ENOX1: variants seen among roughly 807,000 people sequenced by gnomAD.
ENOX1 encodes ecto-NOX disulfide-thiol exchanger 1, also known as candidate growth-related and time keeping constitutive hydroquinone (NADH) oxidase.
A neutral mutation model predicts 82.5 loss-of-function variants in ENOX1; 42 were observed. The observed-to-expected ratio is 0.51, with a 90% CI of 0.40 to 0.66. The LOEUF (loss-of-function observed/expected upper bound fraction) is 0.66, where lower values mean the gene tolerates loss of function less well. ENOX1 is among the 30% of genes least tolerant of loss of function. ENOX1 has a pLI of 0.00. For missense variants in ENOX1, 608 were observed against 811.6 expected, an observed-to-expected ratio of 0.75 and a Z score of 3.05; for synonymous variants, 271 against 282.2, an observed-to-expected ratio of 0.96 and a Z score of 0.40.
At chr13:43,340,642 T>C (rs1232284155) in intron 9 of ENOX1, among the ~76,000 whole-genome samples, 2 of 152,240 alleles carry the variant, frequency 1.3e-5, no homozygotes, top group Non-Finnish European at 2.9e-5. Context: ...AGTGTGGCAA[T>C]TTCCAATAAA....
intron 1 of ENOX1, among the ~76,000 whole-genome samples, chr13:43,701,177 G>A (rs924930843): frequency 4.6e-5 from 7 of 152,114 alleles, no homozygotes. Flanking sequence ...AAGCATTTGT[G>A]CATGTACATA....
chr13:43,278,691 T>C (rs1024552933), intron 12 of ENOX1, among the ~76,000 whole-genome samples: 1 of 152,228 alleles, frequency 6.6e-6, no homozygotes, highest in South Asian at 2.1e-4. Flanking sequence ...TTGCATTTGG[T>C]TTTATTAATA....
At chr13:43,609,577 A>C (rs963844486) in intron 2 of ENOX1, among the ~76,000 whole-genome samples, 2 of 152,232 alleles carry the variant, frequency 1.3e-5, no homozygotes, top group African/African-American at 4.8e-5. Flanking sequence ...TCTAAGATTC[A>C]AATCTAAAAG....
chr13:43,436,863 G>A (rs1391629770), intron 3 of ENOX1, among the ~76,000 whole-genome samples: 3 of 152,066 alleles, frequency 2.0e-5, no homozygotes, highest in African/African-American at 7.2e-5. Flanking sequence ...TCTATAACTG[G>A]ATAGTCATAA....
At chr13:43,760,220 A>T (rs1351811287) in intron 1 of ENOX1, among the ~76,000 whole-genome samples, 1 of 152,230 alleles carries the variant, frequency 6.6e-6, no homozygotes, top group Non-Finnish European at 1.5e-5. Flanking sequence ...CACTTTGTAG[A>T]AGGCTAGAAT....
intron 1 of ENOX1, among the ~76,000 whole-genome samples, chr13:43,683,094 A>G (rs1181193841): frequency 1.3e-5 from 2 of 152,196 alleles, no homozygotes; most frequent in African/African-American, 4.8e-5. Context: ...AGCCAAAATA[A>G]GACAAATCAG....
chr13:43,654,977 T>C (rs1412854856), intron 2 of ENOX1, among the ~76,000 whole-genome samples: 3 of 152,206 alleles, frequency 2.0e-5, no homozygotes, highest in African/African-American at 7.2e-5. Flanking sequence ...CCTTGGCCTT[T>C]TCATGAAGTA....
At chr13:43,305,872 T>C (rs184200194) in intron 11 of ENOX1, among the ~76,000 whole-genome samples, 18 of 152,248 alleles carry the variant, frequency 1.2e-4, no homozygotes, top group African/African-American at 4.3e-4. Context: ...GGGAAACACA[T>C]CAGAAGTGAA....
In ENOX1 at chr13:43,493,305, T is replaced by C. The variant is rs891081178; in HGVS notation, c.-218-9153A>G. On this transcript the variant is annotated intron_variant, in intron 2 of 16. Coordinates refer to ENST00000690772, the MANE Select transcript of ENOX1 (RefSeq NM_001347969.2). Reference sequence around the variant, plus strand: ...TTATGGAGGCTGAGAAGTTCCATGATAGGCCAGCCATCTGGAAGTTGGAGA... The same window carrying C: ...TTATGGAGGCTGAGAAGTTCCATGACAGGCCAGCCATCTGGAAGTTGGAGA... Among the ~76,000 whole-genome samples the C allele has an allele frequency of 2.6e-5, 4 of 152,270 alleles. No individual in the cohort carries two copies. The East Asian group carries it at 5.8e-4, about 22-fold the overall frequency.
At position 43,292,073 on chromosome 13, in the gene ENOX1, T is replaced by C. The variant is rs371198189; in HGVS notation, c.1446+6273A>G. On this transcript the variant is annotated intron_variant, in intron 12 of 16. Coordinates refer to ENST00000690772, the MANE Select transcript of ENOX1 (RefSeq NM_001347969.2). Reference sequence around the variant, plus strand: ...AGACTGCCAGCCATCACCTTGCTCATGAAGAAACCTGTACATAAAAGAGAG... The same window carrying C: ...AGACTGCCAGCCATCACCTTGCTCACGAAGAAACCTGTACATAAAAGAGAG... 6.2e-3 allele frequency among the ~76,000 whole-genome samples: 951 copies of C among 152,180 alleles called. 5 individuals carry two copies. Among genetic ancestry groups the C allele is most frequent in the South Asian group, 0.023 (113 of 4,818 alleles).
intron 14 of ENOX1, among the ~76,000 whole-genome samples, chr13:43,262,608 C>T (rs2044140506): frequency 6.6e-6 from 1 of 151,042 alleles, no homozygotes; most frequent in South Asian, 2.1e-4. Context: ...CTCACTGCAA[C>T]CTCTGCCTCC....
At chr13:43,308,132 A>T (rs2046973948) in intron 11 of ENOX1, among the ~76,000 whole-genome samples, 1 of 114,922 alleles carries the variant, frequency 8.7e-6, no homozygotes, top group Non-Finnish European at 1.8e-5. Context: ...CACCACTCAT[A>T]TCAGGCCACC....
chr13:43,408,663 AG>A (rs11299811), intron 5 of ENOX1, among the ~76,000 whole-genome samples: 16,791 of 152,222 alleles, frequency 0.11, 988 homozygotes, highest in East Asian at 0.24. Context: ...TACAGTAAAA[AG>A]GGCATCAGAT....
chr13:43,545,208 C>T (rs141560343), intron 2 of ENOX1: 28 of 152,310 alleles, frequency 1.8e-4, no homozygotes, highest in African/African-American at 6.7e-4. Context: ...GTCTGCGCCT[C>T]TAAATAAAAC....
chr13:43,538,858 C>T (rs1305916635), intron 2 of ENOX1, among the ~76,000 whole-genome samples: 1 of 152,052 alleles, frequency 6.6e-6, no homozygotes, highest in Non-Finnish European at 1.5e-5. Flanking sequence ...CGGGGTCTCA[C>T]TCTCATTCAC....
At chr13:43,620,774 G>A (rs1219088365) in intron 2 of ENOX1, among the ~76,000 whole-genome samples, 1 of 152,072 alleles carries the variant, frequency 6.6e-6, no homozygotes, top group Non-Finnish European at 1.5e-5. Context: ...TTATTCCAAG[G>A]TATAGTTTAA....
intron 5 of ENOX1, among the ~76,000 whole-genome samples, chr13:43,396,308 G>A (rs1377328750): frequency 2.0e-5 from 3 of 152,062 alleles, no homozygotes; most frequent in Non-Finnish European, 4.4e-5. Flanking sequence ...TGACTGACTC[G>A]GTAGGAGCTC....
At chr13:43,716,605 G>A (rs959304684) in intron 1 of ENOX1, among the ~76,000 whole-genome samples, 1 of 152,146 alleles carries the variant, frequency 6.6e-6, no homozygotes, top group Non-Finnish European at 1.5e-5. Context: ...TCTCTTTGCT[G>A]ACAATATAAT....
intron 2 of ENOX1, among the ~76,000 whole-genome samples, chr13:43,556,429 A>C (rs559572842): frequency 6.6e-6 from 1 of 152,320 alleles, no homozygotes; most frequent in East Asian, 1.9e-4. Flanking sequence ...TTGCAGTCAT[A>C]CTGTTTAATT....
Sources: allele counts gnomAD v4.1 joint callset (sites outside exome capture counted in the v4.1 genomes callset), GRCh38; gene constraint gnomAD v4.1.1; transcripts MANE v1.5; gene names NCBI Gene and HGNC (gene_info 2026-07-23, HGNC 2026-07-21).